Variants in ST18 observed in about 807,000 individuals in gnomAD.
ST18 encodes suppression of tumorigenicity 18 protein.
In ST18, 50 loss-of-function variants were observed where a neutral mutation model predicts 110.0. The ratio of observed to expected loss-of-function variants is 0.45; its 90% confidence interval spans 0.36 to 0.58. ST18 has a LOEUF of 0.58. ST18 is among the 20% of genes least tolerant of loss of function. The pLI is 0.00. For missense variants in ST18, 1,306 were observed against 1,280.1 expected (o/e 1.02, Z -0.31); for synonymous variants, 461 against 452.4 (o/e 1.02, Z -0.24).
chr8:52,126,005 G>T, intron 23 of ST18, 47 bp downstream of exon 23: 2 of 1,523,570 alleles, frequency 1.3e-6, no homozygotes, highest in Non-Finnish European at 1.8e-6. Flanking sequence ...GGGGAGCCAG[G>T]GTCTACACCC....
At chr8:52,158,726 C>T (rs2060629984) in intron 15 of ST18, among the ~76,000 whole-genome samples, 172 bp downstream of exon 15, 1 of 152,212 alleles carries the variant, frequency 6.6e-6, no homozygotes, top group Non-Finnish European at 1.5e-5. Flanking sequence ...TTCTTTGACC[C>T]CACCAAGCTC....
At chr8:52,173,285 T>C (rs952833151) in intron 9 of ST18, among the ~76,000 whole-genome samples, 1 of 152,216 alleles carries the variant, frequency 6.6e-6, no homozygotes, top group African/African-American at 2.4e-5. Flanking sequence ...TTCTGGTCCA[T>C]TACTTGCATG....
chr8:52,147,489 T>A (rs1054850230), intron 16 of ST18, among the ~76,000 whole-genome samples: 11 of 152,044 alleles, frequency 7.2e-5, no homozygotes, highest in Non-Finnish European at 1.3e-4. Context: ...TAGATGAAGA[T>A]GAGAACCTAT....
rs78018309 is a variant in ST18 at position 52,303,752 on chromosome 8, C to T, written c.-464-73675G>A. ...CCATAGTGTTCAAAAGCATCAAAGT[C>T]GTGCAAGCTAAGGAAAAACTTAGGA... is the stretch of plus-strand genomic sequence containing the variant. On this transcript the variant is annotated intron_variant, in intron 2 of 25. Coordinates refer to ENST00000689386, the MANE Select transcript of ST18 (RefSeq NM_001352837.2). Among the ~76,000 whole-genome samples the T allele has an allele frequency of 4.1e-4, 63 of 152,194 alleles. No homozygotes were observed. In the East Asian group the frequency reaches 0.012, roughly 29 times the overall value.
intron 2 of ST18, among the ~76,000 whole-genome samples, chr8:52,233,626 T>C (rs1317399877): frequency 6.6e-6 from 1 of 152,104 alleles, no homozygotes; most frequent in Non-Finnish European, 1.5e-5. Flanking sequence ...TGATTGATAG[T>C]TGTCTCCCAC....
chr8:52,367,530 A>C (rs1309081883), intron 2 of ST18, among the ~76,000 whole-genome samples: 1 of 152,230 alleles, frequency 6.6e-6, no homozygotes, highest in Non-Finnish European at 1.5e-5. Flanking sequence ...AAGGTCATTG[A>C]TGTATGTTGC....
chr8:52,167,497 C>T (rs1201993047), intron 10 of ST18, among the ~76,000 whole-genome samples: 1 of 152,244 alleles, frequency 6.6e-6, no homozygotes, highest in South Asian at 2.1e-4. Context: ...CCCTGCAGAG[C>T]AGCTGGCGGA....
chr8:52,208,981 T>C (rs1422513235), intron 8 of ST18, among the ~76,000 whole-genome samples: 1 of 152,242 alleles, frequency 6.6e-6, no homozygotes, highest in Non-Finnish European at 1.5e-5. Context: ...GGTGAATTAA[T>C]GATGTTTATA....
chr8:52,122,285 G>T (rs888147195), intron 23 of ST18, among the ~76,000 whole-genome samples: 3 of 151,886 alleles, frequency 2.0e-5, no homozygotes, highest in African/African-American at 7.2e-5. Flanking sequence ...TTGCATATTT[G>T]GGGATTATAT....
intron 2 of ST18, among the ~76,000 whole-genome samples, chr8:52,282,420 A>G (rs1430919522): frequency 6.6e-6 from 1 of 152,188 alleles, no homozygotes; most frequent in Non-Finnish European, 1.5e-5. Flanking sequence ...AAATAGAAAA[A>G]TTAAGTGTAT....
At chr8:52,367,236 T>TCTCACACACA (rs1554851169) in intron 2 of ST18, among the ~76,000 whole-genome samples, 7 of 120,270 alleles carry the variant, frequency 5.8e-5, no homozygotes, top group African/African-American at 1.8e-4. Context: ...GGACCCTGTC[T>TCTCACACACA]CACACACACA....
intron 2 of ST18, among the ~76,000 whole-genome samples, chr8:52,245,082 A>G (rs1338040772): frequency 6.6e-6 from 1 of 152,176 alleles, no homozygotes; most frequent in Non-Finnish European, 1.5e-5. Context: ...TCAGAATAGC[A>G]ATGTTAAGAC....
intron 2 of ST18, among the ~76,000 whole-genome samples, chr8:52,382,164 T>C (rs1217824966): frequency 1.3e-5 from 2 of 152,136 alleles, no homozygotes; most frequent in Non-Finnish European, 2.9e-5. Context: ...GAGCCGCCTA[T>C]CCATTTAAAG....
At chr8:52,294,301 G>T (rs1172858377) in intron 2 of ST18, among the ~76,000 whole-genome samples, 1 of 152,232 alleles carries the variant, frequency 6.6e-6, no homozygotes, top group Admixed American at 6.5e-5. Flanking sequence ...GAACCAGAAA[G>T]GAACTGAAAA....
chr8:52,229,518 A>G (rs1183700856), intron 3 of ST18, among the ~76,000 whole-genome samples: 1 of 152,146 alleles, frequency 6.6e-6, no homozygotes, highest in African/African-American at 2.4e-5. Flanking sequence ...TCCATTTTCA[A>G]CACCAGCAAT....
chr8:52,184,190 TG>T (rs929163313), intron 8 of ST18, among the ~76,000 whole-genome samples: 3 of 152,174 alleles, frequency 2.0e-5, no homozygotes, highest in African/African-American at 7.2e-5. Context: ...AGCTCTGAAA[TG>T]TTAAGGAAAT....
intron 8 of ST18, among the ~76,000 whole-genome samples, chr8:52,203,119 G>A (rs1422667199): frequency 1.3e-5 from 2 of 152,174 alleles, no homozygotes; most frequent in Non-Finnish European, 2.9e-5. Flanking sequence ...AAAGTAGGCA[G>A]TATATTAAAA....
chr8:52,383,838 C>A (rs1372249155), intron 2 of ST18, among the ~76,000 whole-genome samples: 1 of 152,042 alleles, frequency 6.6e-6, no homozygotes, highest in Non-Finnish European at 1.5e-5. Context: ...AGCCTCAAAC[C>A]CCTGGCTCAT....
At chr8:52,409,489 T>A (rs1025649824) in intron 1 of ST18, 37 bp from the exon 2 acceptor site, 1 of 152,136 alleles carries the variant, frequency 6.6e-6, no homozygotes, top group East Asian at 1.9e-4. Flanking sequence ...AAAATTATCA[T>A]AAGAAAACCA....
Sources: gnomAD v4.1 joint callset for allele counts (sites outside exome capture counted in the v4.1 genomes callset) on GRCh38, gnomAD v4.1.1 for gene constraint, MANE v1.5 for transcripts, NCBI Gene and HGNC (gene_info 2026-07-23, HGNC 2026-07-21) for gene names.